Variants in ZP1 observed in about 807,000 individuals in gnomAD.
The protein encoded by ZP1 is zona pellucida sperm-binding protein 1.
ZP1 carries 58 observed loss-of-function variants against 67.4 expected under a neutral mutation model. That is an observed-to-expected ratio of 0.86 (90% confidence interval 0.70 to 1.07). The LOEUF is 1.07. Ranked by LOEUF, ZP1 falls within the 50% of genes least tolerant of loss-of-function variation. ZP1 has a pLI of 0.00. For missense variants in ZP1, 759 were observed against 807.3 expected, an observed-to-expected ratio of 0.94 and a Z score of 0.72; for synonymous variants, 333 against 332.7, an observed-to-expected ratio of 1.00 and a Z score of -0.01.
chr11:60,873,473 G>C lies in ZP1; in HGVS notation c.1339G>C (p.Asp447His). ...GGAGGTCCGGCTTCTGCAGAGGACA[G>C]ACCCCAACCTGGTCCTGCTGCTGCA... Reference protein sequence around the residue: ...HVEVRLLQRTDPNLVLLLHQC... With the variant: ...HVEVRLLQRTHPNLVLLLHQC... The change falls in exon 8 of 12, where the codon GAC (aspartate) becomes CAC (histidine). Residue 447 changes from aspartate to histidine, a missense_variant. Coordinates refer to ENST00000278853, the MANE Select transcript of ZP1 (RefSeq NM_207341.4). 1 of 1,613,630 alleles carries C rather than the reference G, an allele frequency of 6.2e-7. No homozygotes were observed. Among genetic ancestry groups the C allele is most frequent in the Non-Finnish European group, 8.5e-7 (1 of 1,179,818 alleles).
chr11:60,875,058 C>T (rs1855674668), intron 10 of ZP1, 44 bp downstream of exon 10: 1 of 1,613,830 alleles, frequency 6.2e-7, no homozygotes, highest in Non-Finnish European at 8.5e-7. Context: ...TATACATCTT[C>T]AGGCCTGTGC....
chr11:60,874,991 C>T lies in ZP1; in HGVS notation c.1631C>T (p.Thr544Ile). The change falls in exon 10 of 12, where the codon ACT becomes ATT. Residue 544 changes from threonine (T) to isoleucine (I), a missense_variant. Transcript: ENST00000278853. ...CHTSGLETCS[T>I]ACSTGTTRQR... is the part of the protein sequence containing the mutation. ...ACCTCAGGGCTGGAGACTTGCTCCA[C>T]TGCATGTAGCACTGGCACTACAAGT... 1 of 1,614,248 alleles carries T rather than the reference C, an allele frequency of 6.2e-7. No homozygotes were observed. Among genetic ancestry groups the T allele is most frequent in the Non-Finnish European group, 8.5e-7 (1 of 1,180,038 alleles).
Position 60,869,602 on chromosome 11 carries a change from A to T in ZP1, c.384A>T (p.Ala128=). 6.2e-7 allele frequency: 1 copy of T among 1,613,976 alleles called. No individual in the cohort carries two copies. Among genetic ancestry groups the T allele is most frequent in the Non-Finnish European group, 8.5e-7 (1 of 1,179,946 alleles). ...AVLPNGRVDV[A]QDATLICPKP... The stretch of plus-strand genomic sequence containing the variant: ...TGCCCAATGGTCGTGTGGATGTGGC[A>T]CAAGACGCTACTCTGATCTGTCCCA... Residue 128 remains alanine (A), a synonymous_variant, in exon 3 of 12, where the codon GCA becomes GCT. Coordinates refer to ENST00000278853, the MANE Select transcript of ZP1 (RefSeq NM_207341.4).
At chr11:60,870,868 G>T in intron 4 of ZP1, 89 bp from the exon 5 acceptor site, 1 of 1,421,508 alleles carries the variant, frequency 7.0e-7, no homozygotes, top group Non-Finnish European at 9.6e-7. Flanking sequence ...CTCCTAGACC[G>T]GCACTTAAAG....
rs1315371749 is a variant in ZP1 at position 60,875,651 on chromosome 11, C to G, written c.1912C>G (p.Gln638Glu). The change falls in exon 12 of 12, where the codon CAG becomes GAG. Residue 638 changes from glutamine to glutamate, a missense_variant. Physicochemically the swap from Gln to Glu is conservative, Grantham distance 29. Coordinates refer to ENST00000278853, the MANE Select transcript of ZP1 (RefSeq NM_207341.4). ...WAQKLWESNR[Q>E] ...CCAGAAGCTCTGGGAAAGCAACAGA[C>G]AGTGAATGGGCCCAATAAACAATCA... 6.2e-7 allele frequency: 1 copy of G among 1,613,626 alleles called. No individual in the cohort carries two copies. Among genetic ancestry groups the G allele is most frequent in the Admixed American group, 1.7e-5 (1 of 59,858 alleles).
chr11:60,873,642 T>A lies in ZP1; in HGVS notation c.1439T>A (p.Phe480Tyr). 1 of 1,614,142 alleles carries A rather than the reference T, an allele frequency of 6.2e-7. No homozygotes were observed. The highest frequency in any genetic ancestry group is 8.5e-7 in the Non-Finnish European group (1 of 1,180,018). ...QWPILSDGCP[F>Y]KGDSYRTQMV... ...CTGACTTCTCTTCTCAGATGCCCTT[T>A]CAAGGGCGACAGCTACAGAACCCAA... Residue 480 changes from phenylalanine (F) to tyrosine (Y), a missense_variant, in exon 9 of 12, where the codon TTC becomes TAC. Physicochemically the swap from Phe to Tyr is conservative, Grantham distance 22. Transcript: ENST00000278853.
rs568071812 is a variant in ZP1 at position 60,870,473 on chromosome 11, C to G, written c.824C>G (p.Thr275Arg). 1 of 1,603,506 alleles carries G rather than the reference C, an allele frequency of 6.2e-7. No homozygotes were observed. Among genetic ancestry groups the G allele is most frequent in the Non-Finnish European group, 8.5e-7 (1 of 1,174,318 alleles). ...TREVPCYYGN[T>R]ATVQCFRDGY... ...GAGGTTCCCTGTTACTATGGCAACACAGGTACAACCTCCCACCCCAGCAAG... is the reference window on the plus strand; with the variant it reads ...GAGGTTCCCTGTTACTATGGCAACAGAGGTACAACCTCCCACCCCAGCAAG... The change falls in exon 4 of 12, where the codon ACA becomes AGA. Residue 275 changes from threonine to arginine, a missense_variant and splice_region_variant. Thr to Arg is a moderately conservative substitution (Grantham distance 71). Transcript: ENST00000278853.
At chr11:60,870,712 T>C in intron 4 of ZP1, 1 of 668,086 alleles carries the variant, frequency 1.5e-6, no homozygotes, top group Non-Finnish European at 2.5e-6. Context: ...CTTTCAGATC[T>C]GAAACGCCCT....
intron 9 of ZP1, among the ~76,000 whole-genome samples, 193 bp downstream of exon 9, chr11:60,873,968 G>T (rs1590595454): frequency 1.3e-5 from 2 of 152,342 alleles, no homozygotes; most frequent in East Asian, 3.9e-4. Flanking sequence ...CCAGGAGGAA[G>T]GAAAATGCTG....
intron 2 of ZP1, 103 bp downstream of exon 2, chr11:60,869,369 T>G: frequency 1.3e-6 from 2 of 1,543,994 alleles, no homozygotes; most frequent in Non-Finnish European, 1.7e-6. Flanking sequence ...GCCGAAGATC[T>G]GTTGAGCTGG....
In ZP1 at chr11:60,867,613, C is replaced by T; in HGVS notation, c.52C>T (p.Leu18=). The T allele has an allele frequency of 2.5e-6, 4 of 1,613,632 alleles. No homozygotes were observed. Among genetic ancestry groups the T allele is most frequent in the Non-Finnish European group, 3.4e-6 (4 of 1,179,720 alleles). The stretch of plus-strand genomic sequence containing the variant: ...GGGTTACCCTGTGGCCCTGCTACTG[C>T]TGGTTGCCACCCTGGGGCTGGGTAG... ...TWGYPVALLL[L]VATLGLGRWL... Residue 18 remains leucine (L), a synonymous_variant, in exon 1 of 12, where the codon CTG becomes TTG. Coordinates refer to ENST00000278853, the MANE Select transcript of ZP1 (RefSeq NM_207341.4).
Position 60,873,677 on chromosome 11 carries a change from T to C in ZP1, c.1474T>C (p.Leu492=), listed in dbSNP as rs766768125. ...CAGCTACAGAACCCAAATGGTAGCC[T>C]TGGACGGGGCCACACCTTTCCAGTC... ...GDSYRTQMVA[L]DGATPFQSHY... The change falls in exon 9 of 12, where the codon TTG becomes CTG. Residue 492 remains leucine, a synonymous_variant. Transcript: ENST00000278853. The C allele has an allele frequency of 6.2e-7, 1 of 1,614,192 alleles. No homozygotes were observed. Among genetic ancestry groups the C allele is most frequent in the East Asian group, 2.2e-5 (1 of 44,888 alleles).
rs776904131 is a variant in ZP1, at chr11:60,871,263, T to C, written c.1061T>C (p.Ile354Thr). Residue 354 changes from isoleucine to threonine, a missense_variant, in exon 6 of 12, where the codon ATC (isoleucine) becomes ACC (threonine). Coordinates refer to ENST00000278853, the MANE Select transcript of ZP1 (RefSeq NM_207341.4). ...TATGAGAACTGGCTGGTGTCTGGCA[T>C]CCACATCCAAAAGGGGCCACAGGGT... The part of the protein sequence containing the change: ...LIYENWLVSG[I>T]HIQKGPQGSI... 2 of 1,613,938 alleles carry C rather than the reference T, an allele frequency of 1.2e-6. No individual in the cohort carries two copies. Among genetic ancestry groups the C allele is most frequent in the South Asian group, 1.1e-5 (1 of 91,088 alleles).
Position 60,875,234 on chromosome 11 carries a change from C to T in ZP1, c.1760C>T (p.Thr587Ile), listed in dbSNP as rs777958840. The change falls in exon 11 of 12, where the codon ACA becomes ATA. Residue 587 changes from threonine (T) to isoleucine (I), a missense_variant. Physicochemically the swap from Thr to Ile is moderately conservative, Grantham distance 89. Coordinates refer to ENST00000278853, the MANE Select transcript of ZP1 (RefSeq NM_207341.4). ...GFEDSYGQEP[T>I]LGPTDSNGNS... Reference sequence around the variant, plus strand: ...GAGGATTCTTATGGGCAGGAGCCCACACTTGGGCCCACAGGTAGGAGGGCT... The same window carrying T: ...GAGGATTCTTATGGGCAGGAGCCCATACTTGGGCCCACAGGTAGGAGGGCT... 12 of 1,612,182 alleles carry T rather than the reference C, an allele frequency of 7.4e-6. No individual in the cohort carries two copies. In the East Asian group the frequency reaches 1.6e-4, roughly 21 times the overall value.
intron 6 of ZP1, among the ~76,000 whole-genome samples, chr11:60,871,607 CCT>C (rs1397779537): frequency 1.3e-5 from 2 of 152,178 alleles, no homozygotes; most frequent in African/African-American, 4.8e-5. Flanking sequence ...CTGAGAGAGC[CCT>C]GTCTTGGTCT....
rs377106329 is a variant in ZP1 at position 60,871,248 on chromosome 11, G to T, written c.1046G>T (p.Trp349Leu). Residue 349 changes from tryptophan (W) to leucine (L), a missense_variant, in exon 6 of 12, where the codon TGG becomes TTG. By Grantham distance (61) the Trp-to-Leu change is moderately conservative (BLOSUM62 -2). Coordinates refer to ENST00000278853, the MANE Select transcript of ZP1 (RefSeq NM_207341.4). ...VAGDQLIYEN[W>L]LVSGIHIQKG... is the part of the protein sequence containing the mutation. ...GGCGACCAGCTCATCTATGAGAACT[G>T]GCTGGTGTCTGGCATCCACATCCAA... 18 of 1,613,890 alleles carry T rather than the reference G, an allele frequency of 1.1e-5. No homozygotes were observed. Among genetic ancestry groups the T allele is most frequent in the Non-Finnish European group, 1.5e-5 (18 of 1,180,054 alleles).
In ZP1 at chr11:60,869,920, G is replaced by A. The variant is rs1426438014; in HGVS notation, c.682+20G>A. ...ACATAGGTACGCAGGACATCTGAGT[G>A]TACTTACCCTCTGTCTGGGGACTTC... On this transcript the variant is annotated intron_variant, in intron 3 of 11. Transcript: ENST00000278853. 9 of 1,523,786 alleles carry A rather than the reference G, an allele frequency of 5.9e-6. No individual in the cohort carries two copies. The highest frequency in any genetic ancestry group is 7.1e-6 in the Non-Finnish European group (8 of 1,133,860). The allele number at this position is 1,523,786 out of a possible 1,614,324, so 94.4% of individuals were successfully genotyped here.
At position 60,873,572 on chromosome 11, in the gene ZP1, C is replaced by A. The variant is rs774153047; in HGVS notation, c.1430+8C>A. 5 of 1,612,976 alleles carry A rather than the reference C, an allele frequency of 3.1e-6. No homozygotes were observed. The highest frequency in any genetic ancestry group is 4.2e-6 in the Non-Finnish European group (5 of 1,179,240). ...GCCCATCCTGTCAGACGGGTGAGTG[C>A]CCCCACACTCCCCCCACCTGCTCTG... On this transcript the variant is annotated splice_region_variant and intron_variant, in intron 8 of 11. Transcript: ENST00000278853.
In ZP1 at chr11:60,871,326, C is replaced by T; in HGVS notation, c.1112+12C>T. ...GACAGCACCTTCCAGTAAGGGCAGC[C>T]CTCCTCCTACAGGCGTGGCTGTGTG... On this transcript the variant is annotated intron_variant, in intron 6 of 11. Coordinates refer to ENST00000278853, the MANE Select transcript of ZP1 (RefSeq NM_207341.4). The T allele has an allele frequency of 6.2e-7, 1 of 1,612,998 alleles. No individual in the cohort carries two copies. Among genetic ancestry groups the T allele is most frequent in the Non-Finnish European group, 8.5e-7 (1 of 1,179,886 alleles).
Sources: allele counts gnomAD v4.1 joint callset (sites outside exome capture counted in the v4.1 genomes callset), GRCh38; gene constraint gnomAD v4.1.1; transcripts MANE v1.5; gene names NCBI Gene and HGNC (gene_info 2026-07-23, HGNC 2026-07-21).